HIF1A: variants seen among roughly 807,000 people sequenced by gnomAD.
HIF1A encodes hypoxia inducible factor 1 subunit alpha, also known as hypoxia-inducible factor 1-alpha.
In HIF1A, 24 loss-of-function variants were observed where a neutral mutation model predicts 92.7. The ratio of observed to expected loss-of-function variants is 0.26; its 90% CI spans 0.19 to 0.36. HIF1A has a LOEUF of 0.36. Among genes scored for constraint, HIF1A ranks in the 10% least tolerant of loss-of-function variants. The pLI is 1.00. For missense variants in HIF1A, 799 were observed against 998.5 expected (o/e 0.80, Z 2.69); for synonymous variants, 319 against 338.7 (o/e 0.94, Z 0.64).
At chr14:61,699,661 A>G (rs2044156949) in intron 1 of HIF1A, among the ~76,000 whole-genome samples, 1 of 152,198 alleles carries the variant, frequency 6.6e-6, no homozygotes, top group Non-Finnish European at 1.5e-5. Context: ...ACCAGGATAA[A>G]AAAATCTAAA....
intron 1 of HIF1A, 51 bp downstream of exon 1, chr14:61,695,890 C>T (rs1037337967): frequency 6.6e-7 from 1 of 1,522,050 alleles, no homozygotes; most frequent in Admixed American, 2.0e-5. Context: ...ACCCCGCCCG[C>T]CTGCCCGCCC....
intron 4 of HIF1A, among the ~76,000 whole-genome samples, chr14:61,724,990 A>G (rs186172985): frequency 2.6e-5 from 4 of 152,222 alleles, no homozygotes; most frequent in Non-Finnish European, 4.4e-5. Flanking sequence ...CGTGTACTCT[A>G]CATTGTGGAC....
intron 4 of HIF1A, 78 bp from the exon 5 acceptor site, chr14:61,726,628 G>A: frequency 1.3e-6 from 1 of 787,752 alleles, no homozygotes; most frequent in South Asian, 1.8e-5. Context: ...TGATCTAGGT[G>A]ATGGGCACTT....
chr14:61,739,534 T>C (rs552931964), intron 10 of HIF1A, among the ~76,000 whole-genome samples: 5 of 152,316 alleles, frequency 3.3e-5, no homozygotes, highest in African/African-American at 1.2e-4. Context: ...TCTCACAGCC[T>C]TGTGTTGAAT....
intron 8 of HIF1A, among the ~76,000 whole-genome samples, chr14:61,734,516 AT>A (rs2044613470): frequency 6.6e-6 from 1 of 152,114 alleles, no homozygotes; most frequent in African/African-American, 2.4e-5. Context: ...CTTCACTCCT[AT>A]TTTTAAAAAG....
intron 1 of HIF1A, among the ~76,000 whole-genome samples, chr14:61,712,580 T>C (rs1316274188): frequency 6.7e-6 from 1 of 148,468 alleles, no homozygotes; most frequent in African/African-American, 2.5e-5. Context: ...GTAACTTATA[T>C]CTAGTATGCT....
intron 4 of HIF1A, 56 bp downstream of exon 4, chr14:61,721,879 A>G: frequency 2.5e-6 from 3 of 1,214,438 alleles, no homozygotes; most frequent in African/African-American, 1.5e-5. Flanking sequence ...ATAATAAGAT[A>G]CTATTGCTAA....
Position 61,741,217 on chromosome 14 carries a change from TTC to T in HIF1A, c.2093+31_2093+32del, listed in dbSNP as rs370227950. On this transcript the variant is annotated intron_variant, in intron 12 of 14. Coordinates refer to ENST00000337138, the MANE Select transcript of HIF1A (RefSeq NM_001530.4). ...TTTATATGTAACATTCAAGTTATAG[TTC>T]TTTTATTATTTTTGAGATAAATGTA... 1,763 of 1,446,336 alleles carry T rather than the reference TTC, an allele frequency of 1.2e-3. 21 individuals are homozygous for T. The African/African-American group carries it at 0.021, about 17-fold the overall frequency. The allele number at this position is 1,446,336 out of a possible 1,614,324, so 89.6% of individuals were successfully genotyped here. A position where few individuals can be genotyped will look rare whatever the true frequency, so the allele number is the denominator to read the frequency against.
chr14:61,724,349 TTCTCTCTCTCTC>T (rs147642291), intron 4 of HIF1A, among the ~76,000 whole-genome samples: 6 of 96,094 alleles, frequency 6.2e-5, no homozygotes, highest in East Asian at 3.5e-4. Context: ...CACACACACA[TTCTCTCTCTCTC>T]TCTCTCTCTC....
intron 12 of HIF1A, among the ~76,000 whole-genome samples, chr14:61,742,744 C>T (rs1213111851): frequency 6.6e-6 from 1 of 151,698 alleles, no homozygotes; most frequent in Non-Finnish European, 1.5e-5. Context: ...ATTAGCTGGG[C>T]GTGGTGGCAC....
Position 61,727,531 on chromosome 14 carries a change from A to G in HIF1A, c.649A>G (p.Met217Val), listed in dbSNP as rs757192733. 4.3e-6 allele frequency: 7 copies of G among 1,613,974 alleles called. No individual in the cohort carries two copies. Among genetic ancestry groups the G allele is most frequent in the African/African-American group, 2.7e-5 (2 of 75,032 alleles). Reference protein sequence around the residue: ...QPQCGYKKPPMTCLVLICEPI... With the variant: ...QPQCGYKKPPVTCLVLICEPI... ...TCAGTGTGGGTATAAGAAACCACCT[A>G]TGACCTGCTTGGTGCTGATTTGTGA... Residue 217 changes from methionine to valine, a missense_variant, in exon 6 of 15, where the codon ATG (methionine) becomes GTG (valine). Transcript: ENST00000337138.
At position 61,721,742 on chromosome 14, in the gene HIF1A, G is replaced by C. The variant is rs2044429844; in HGVS notation, c.376G>C (p.Glu126Gln). 6.2e-7 allele frequency: 1 copy of C among 1,612,948 alleles called. No individual in the cohort carries two copies. Among genetic ancestry groups the C allele is most frequent in the African/African-American group, 1.3e-5 (1 of 74,888 alleles). Reference protein sequence around the residue: ...VNKYMGLTQFELTGHSVFDFT... With the variant: ...VNKYMGLTQFQLTGHSVFDFT... ...ATTTTTAAAAATGTGTTTACAGTTT[G>C]AACTAACTGGACACAGTGTGTTTGA... is the stretch of plus-strand genomic sequence containing the variant. Residue 126 changes from glutamate to glutamine, a missense_variant, in exon 4 of 15, where the codon GAA becomes CAA. By Grantham distance (29) the Glu-to-Gln change is conservative. Coordinates refer to ENST00000337138, the MANE Select transcript of HIF1A (RefSeq NM_001530.4).
At chr14:61,740,724 T>G (rs780833525) in intron 11 of HIF1A, 31 bp from the exon 12 acceptor site, 2 of 1,575,600 alleles carry the variant, frequency 1.3e-6, no homozygotes, top group Non-Finnish European at 1.7e-6. Context: ...GTGTGGCCAT[T>G]GTAAAAACTC....
Position 61,695,538 on chromosome 14 carries a change from G to A in HIF1A, c.-267G>A, listed in dbSNP as rs576227410. On this transcript the variant is annotated 5_prime_UTR_variant, in exon 1 of 15. Transcript: ENST00000337138. ...AGTGCACAGTGCTGCCTCGTCTGAG[G>A]GGACAGGAGGATCACCCTCTTCGTC... 2.0e-5 allele frequency: 11 copies of A among 559,202 alleles called. No homozygotes were observed. Among genetic ancestry groups the A allele is most frequent in the Middle Eastern group, 4.6e-4 (1 of 2,154 alleles). 34.6% of individuals were successfully genotyped at this position (559,202 alleles called of 1,614,324 possible).
intron 12 of HIF1A, among the ~76,000 whole-genome samples, chr14:61,742,782 G>A (rs1424147461): frequency 6.6e-6 from 1 of 150,842 alleles, no homozygotes. Context: ...TACTTTGGGA[G>A]GTTGAGGCAG....
chr14:61,738,237 A>G lies in HIF1A; in HGVS notation c.1400A>G (p.Asp467Gly). 1 of 1,614,114 alleles carries G rather than the reference A, an allele frequency of 6.2e-7. No individual in the cohort carries two copies. Among genetic ancestry groups the G allele is most frequent in the Non-Finnish European group, 8.5e-7 (1 of 1,179,996 alleles). ...ETPKPLRSSA[D>G]PALNQEVALK... Reference sequence around the variant, plus strand: ...CCAAAGCCACTTCGAAGTAGTGCTGACCCTGCACTCAATCAAGAAGTTGCA... The same window carrying G: ...CCAAAGCCACTTCGAAGTAGTGCTGGCCCTGCACTCAATCAAGAAGTTGCA... The change falls in exon 10 of 15, where the codon GAC (aspartate) becomes GGC (glycine). Residue 467 changes from aspartate to glycine, a missense_variant. By Grantham distance (94) the Asp-to-Gly change is moderately conservative. Coordinates refer to ENST00000337138, the MANE Select transcript of HIF1A (RefSeq NM_001530.4).
intron 1 of HIF1A, among the ~76,000 whole-genome samples, chr14:61,711,150 C>T (rs1350349175): frequency 6.7e-6 from 1 of 149,812 alleles, no homozygotes; most frequent in Non-Finnish European, 1.5e-5. Context: ...AGTTAGTAAA[C>T]TCCTGTTTCT....
chr14:61,699,072 C>A (rs1424068293), intron 1 of HIF1A: 2 of 152,084 alleles, frequency 1.3e-5, no homozygotes, highest in African/African-American at 4.8e-5. Flanking sequence ...AAAAACTGTC[C>A]TTTGCTTATG....
chr14:61,708,554 A>G (rs2044270205), intron 1 of HIF1A, among the ~76,000 whole-genome samples: 1 of 152,172 alleles, frequency 6.6e-6, no homozygotes, highest in Admixed American at 6.5e-5. Flanking sequence ...CATTTATTAA[A>G]TAGGGAATCC....
Sources: gnomAD v4.1 joint callset for allele counts (sites outside exome capture counted in the v4.1 genomes callset) on GRCh38, gnomAD v4.1.1 for gene constraint, MANE v1.5 for transcripts, NCBI Gene and HGNC (gene_info 2026-07-23, HGNC 2026-07-21) for gene names.